The following NEDD9 variants were observed in gnomAD, a reference collection of about 807,000 sequenced individuals.
NEDD9 encodes the protein neural precursor cell expressed, developmentally down-regulated 9, also known as enhancer of filamentation 1.
NEDD9 carries 26 observed loss-of-function variants against 76.6 expected under a neutral mutation model. That is an observed-to-expected ratio of 0.34 (90% CI 0.25 to 0.47). The LOEUF (loss-of-function observed/expected upper bound fraction) is 0.47, where lower values mean the gene tolerates loss of function less well. Ranked by LOEUF, NEDD9 falls within the 20% of genes least tolerant of loss-of-function variation. The probability of loss-of-function intolerance (pLI) is 1.00; values close to 1 mark genes in which losing one functional copy is unlikely to be tolerated. For synonymous variants in NEDD9, 392 were observed against 414.2 expected (o/e 0.95, Z 0.65); for missense variants, 937 against 1,058.5 (o/e 0.89, Z 1.59).
Position 11,183,581 on chromosome 6 carries a change from AG to A in NEDD9, c.*1580del, listed in dbSNP as rs1757906161. 1 of 152,244 alleles carries A rather than the reference AG, an allele frequency of 6.6e-6. No homozygotes were observed. The highest frequency in any genetic ancestry group is 1.5e-5 in the Non-Finnish European group (1 of 68,046). 9.4% of individuals were successfully genotyped at this position (152,244 alleles called of 1,614,324 possible). A position where few individuals can be genotyped will look rare whatever the true frequency, so the allele number is the denominator to read the frequency against. ...ACTTTTAATCTTCTTTTGGCAGAGT[AG>A]GACTTTGAGAATTATAATAGCAGTT... On this transcript the variant is annotated 3_prime_UTR_variant, in exon 7 of 7. Transcript: ENST00000379446.
chr6:11,208,828 C>A (rs956929502), intron 2 of NEDD9, among the ~76,000 whole-genome samples: 1 of 152,186 alleles, frequency 6.6e-6, no homozygotes, highest in African/African-American at 2.4e-5. Flanking sequence ...ATCTTTGAAG[C>A]AGAGAAATGA....
Position 11,190,079 on chromosome 6 carries a change from TG to T in NEDD9, c.1789del (p.Gln597ArgfsTer11). The T allele has an allele frequency of 6.2e-7, 1 of 1,605,512 alleles. No homozygotes were observed. The highest frequency in any genetic ancestry group is 1.1e-5 in the South Asian group (1 of 89,418). ...QLLHPGDHKA[Q>X]AHNKALPPGL... ...TGGGGGCAGTGCCTTGTTGTGGGCCTGGGCCTTGTGGTCACCAGGATGCAGC... is the reference window on the plus strand; with the variant it reads ...TGGGGGCAGTGCCTTGTTGTGGGCCTGGCCTTGTGGTCACCAGGATGCAGC... On this transcript the variant is annotated frameshift_variant, in exon 5 of 7. Coordinates refer to ENST00000379446, the MANE Select transcript of NEDD9 (RefSeq NM_006403.4). LOFTEE classifies it high-confidence loss of function. This position sits in a 1 kb window ranked among gnomAD's most constrained non-coding sequence, Gnocchi z 5.8.
chr6:11,366,214 G>C (rs1187684612), intron 1 of NEDD9, among the ~76,000 whole-genome samples: 1 of 151,148 alleles, frequency 6.6e-6, no homozygotes, highest in African/African-American at 2.5e-5. Context: ...AACCTGGGAG[G>C]CAGAGGTTGC....
chr6:11,284,838 A>G (rs1243727950), intron 3 of NEDD9, among the ~76,000 whole-genome samples: 4 of 150,898 alleles, frequency 2.7e-5, no homozygotes, highest in South Asian at 2.1e-4. Flanking sequence ...ATATATTAAT[A>G]TAACTAATAT....
At chr6:11,377,868 A>G (rs1554136883) in intron 1 of NEDD9, among the ~76,000 whole-genome samples, 1 of 152,218 alleles carries the variant, frequency 6.6e-6, no homozygotes, top group Non-Finnish European at 1.5e-5. Context: ...GTATTGGAGC[A>G]TGCGGGTGGA....
intron 1 of NEDD9, among the ~76,000 whole-genome samples, chr6:11,350,296 C>T (rs967558913): frequency 5.9e-5 from 9 of 152,226 alleles, no homozygotes; most frequent in African/African-American, 1.9e-4. Flanking sequence ...ACACTTAAGC[C>T]GTGGTTTTGA....
At position 11,374,421 on chromosome 6, in the gene NEDD9, C is replaced by G. The variant is rs151236346; in HGVS notation, c.-214+7718G>C. Among the ~76,000 whole-genome samples the G allele has an allele frequency of 1.6e-4, 25 of 152,312 alleles. No homozygotes were observed. The East Asian group carries it at 4.8e-3, about 29-fold the overall frequency. ...CTGATAGTGTGACAGAAGGCACCAGCATACTACTGTGCTTTGAGGAGAAAA... is the reference window on the plus strand; with the variant it reads ...CTGATAGTGTGACAGAAGGCACCAGGATACTACTGTGCTTTGAGGAGAAAA... On this transcript the variant is annotated intron_variant, in intron 1 of 3. Coordinates refer to the NEDD9 transcript ENST00000397378.
At chr6:11,202,335 A>G (rs891573556) in intron 2 of NEDD9, among the ~76,000 whole-genome samples, 2 of 152,094 alleles carry the variant, frequency 1.3e-5, no homozygotes, top group African/African-American at 4.8e-5. Flanking sequence ...GGCTTCTTTC[A>G]CTTAAATGCC....
intron 1 of NEDD9, among the ~76,000 whole-genome samples, chr6:11,216,758 T>C (rs567267374): frequency 7.2e-5 from 11 of 152,358 alleles, no homozygotes; most frequent in Non-Finnish European, 1.3e-4. Context: ...AGATGGCCCT[T>C]GGGCTTCAGG....
At chr6:11,321,614 A>G (rs1421313892) in intron 2 of NEDD9, among the ~76,000 whole-genome samples, 5 of 152,206 alleles carry the variant, frequency 3.3e-5, no homozygotes, top group African/African-American at 1.2e-4. Flanking sequence ...GATCTGGAGT[A>G]TGTGCTGAAT....
At chr6:11,220,830 T>C (rs2113771241) in intron 1 of NEDD9, among the ~76,000 whole-genome samples, 1 of 152,342 alleles carries the variant, frequency 6.6e-6, no homozygotes, top group Middle Eastern at 3.4e-3. Flanking sequence ...CATACTTGAA[T>C]GAATGCCATC....
chr6:11,378,346 G>A (rs1025656909), intron 1 of NEDD9, among the ~76,000 whole-genome samples: 2 of 152,166 alleles, frequency 1.3e-5, no homozygotes, highest in Admixed American at 1.3e-4. Flanking sequence ...CACCATGACT[G>A]TAAGCTTCCA....
chr6:11,333,851 A>G (rs983996884), intron 2 of NEDD9, among the ~76,000 whole-genome samples: 2 of 152,242 alleles, frequency 1.3e-5, no homozygotes, highest in African/African-American at 4.8e-5. Flanking sequence ...GCTTATGTTC[A>G]CCATCGTTGA....
At chr6:11,360,005 GA>G (rs1315333853) in intron 1 of NEDD9, among the ~76,000 whole-genome samples, 3 of 152,216 alleles carry the variant, frequency 2.0e-5, no homozygotes, top group African/African-American at 7.2e-5. Context: ...TTGATGAGCA[GA>G]AGTTGGTGTG....
intron 3 of NEDD9, among the ~76,000 whole-genome samples, chr6:11,247,514 C>G (rs909965556): frequency 1.3e-5 from 2 of 152,186 alleles, no homozygotes; most frequent in Admixed American, 1.3e-4. Context: ...AGTCACAGAG[C>G]TATAGCAACA....
chr6:11,318,439 G>A (rs6900129), intron 2 of NEDD9, among the ~76,000 whole-genome samples: 4 of 152,182 alleles, frequency 2.6e-5, no homozygotes, highest in South Asian at 4.2e-4. Flanking sequence ...GGGAGACGGC[G>A]GGTCACTGCA....
intron 3 of NEDD9, among the ~76,000 whole-genome samples, chr6:11,299,089 G>A (rs899649713): frequency 6.6e-6 from 1 of 152,184 alleles, no homozygotes; most frequent in African/African-American, 2.4e-5. Context: ...TCCTAGCCAA[G>A]GGAAGCCATG....
chr6:11,233,196 G>A (rs1332593098), upstream of NEDD9: 4 of 517,162 alleles, frequency 7.7e-6, no homozygotes, highest in Non-Finnish European at 1.5e-5. Context: ...TACTTTTTGT[G>A]TGTGTGTGAC....
At chr6:11,345,969 G>A (rs1270124495) in intron 1 of NEDD9, among the ~76,000 whole-genome samples, 1 of 152,188 alleles carries the variant, frequency 6.6e-6, no homozygotes, top group Non-Finnish European at 1.5e-5. Flanking sequence ...TCTGATCTCA[G>A]ACCTCCAGGT....
Sources: allele counts gnomAD v4.1 joint callset (sites outside exome capture counted in the v4.1 genomes callset), GRCh38; gene constraint gnomAD v4.1.1; non-coding constraint Gnocchi (gnomAD v3.1); transcripts MANE v1.5; gene names NCBI Gene and HGNC (gene_info 2026-07-23, HGNC 2026-07-21).